Variants in DOP1B observed in about 807,000 individuals in gnomAD.
DOP1B encodes the protein DOP1 leucine zipper like protein B.
In DOP1B, 174 loss-of-function variants were observed where a neutral mutation model predicts 233.5. That is an observed-to-expected ratio of 0.75 (90% CI 0.66 to 0.85). The LOEUF (loss-of-function observed/expected upper bound fraction) is 0.85, where lower values mean the gene tolerates loss of function less well. Ranked by LOEUF, DOP1B falls within the 40% of genes least tolerant of loss-of-function variation. The pLI is 0.00. For missense variants in DOP1B, 2,652 were observed against 2,846.6 expected, an observed-to-expected ratio of 0.93 and a Z score of 1.56; for synonymous variants, 1,190 against 1,185.6, an observed-to-expected ratio of 1.00 and a Z score of -0.08.
intron 10 of DOP1B, 73 bp from the exon 11 acceptor site, chr21:36,223,156 TAC>T: frequency 6.8e-7 from 1 of 1,470,470 alleles, no homozygotes; most frequent in Non-Finnish European, 9.1e-7. Flanking sequence ...TGAAATCAAT[TAC>T]AGTTTTTTGG....
At chr21:36,186,159 C>T (rs932933247) in intron 2 of DOP1B, among the ~76,000 whole-genome samples, 74 of 151,934 alleles carry the variant, frequency 4.9e-4, no homozygotes, top group Admixed American at 4.1e-3. Flanking sequence ...GCTAAGATTG[C>T]GCCACTGCAC....
intron 2 of DOP1B, among the ~76,000 whole-genome samples, chr21:36,171,731 A>T (rs1462753091): frequency 1.3e-5 from 2 of 152,194 alleles, no homozygotes; most frequent in Non-Finnish European, 2.9e-5. Flanking sequence ...CAGACTTAAC[A>T]TGAGAGAATA....
intron 18 of DOP1B, among the ~76,000 whole-genome samples, chr21:36,242,421 C>T (rs540579646): frequency 2.0e-5 from 3 of 152,204 alleles, no homozygotes; most frequent in East Asian, 1.9e-4. Flanking sequence ...GTGATCCATG[C>T]GCCTCTACCT....
chr21:36,231,677 T>G (rs2066766258), intron 14 of DOP1B, among the ~76,000 whole-genome samples: 1 of 150,056 alleles, frequency 6.7e-6, no homozygotes, highest in Admixed American at 6.6e-5. Context: ...TTGGGTTTTT[T>G]TGTTTTTTTT....
chr21:36,219,250 A>G lies in DOP1B; in HGVS notation c.1130-122A>G. 6 of 1,269,136 alleles carry G rather than the reference A, an allele frequency of 4.7e-6. No individual in the cohort carries two copies. The South Asian group carries it at 6.4e-5, about 14-fold the overall frequency. 78.6% of individuals were successfully genotyped at this position (1,269,136 alleles called of 1,614,324 possible). A position where few individuals can be genotyped will look rare whatever the true frequency, so the allele number is the denominator to read the frequency against. ...AAAGTTAAGTTTCTGTATATTTTAGACTATATAAAATGTCTGTCTGCACAG... is the reference window on the plus strand; with the variant it reads ...AAAGTTAAGTTTCTGTATATTTTAGGCTATATAAAATGTCTGTCTGCACAG... On this transcript the variant is annotated intron_variant, in intron 9 of 36. Transcript: ENST00000691173.
intron 2 of DOP1B, among the ~76,000 whole-genome samples, chr21:36,180,853 C>T (rs1428817207): frequency 6.6e-6 from 1 of 151,782 alleles, no homozygotes; most frequent in South Asian, 2.1e-4. Flanking sequence ...TGCATTCCAG[C>T]CTGGGTTGTC....
intron 2 of DOP1B, among the ~76,000 whole-genome samples, chr21:36,195,490 C>T (rs2066280832): frequency 6.6e-6 from 1 of 152,012 alleles, no homozygotes; most frequent in African/African-American, 2.4e-5. Context: ...GTTGCAATCA[C>T]ACCACTGCAT....
intron 27 of DOP1B, 102 bp downstream of exon 27, chr21:36,270,259 G>A (rs757463510): frequency 2.3e-4 from 308 of 1,365,512 alleles, no homozygotes; most frequent in Non-Finnish European, 3.0e-4. Flanking sequence ...AAGAAAGAAA[G>A]TACTTAAGGT....
Position 36,256,581 on chromosome 21 carries a change from G to C in DOP1B, c.5259+2672G>C, listed in dbSNP as rs149952507. 6.0e-4 allele frequency among the ~76,000 whole-genome samples: 91 copies of C among 152,302 alleles called. 2 individuals are homozygous for C. Among genetic ancestry groups the C allele is most frequent in the African/African-American group, 2.1e-3 (89 of 41,564 alleles). ...GACGCAATCCCTGTGTGTCTCAGTG[G>C]GTGTGCGGATAACAAAGTGAGATCT... On this transcript the variant is annotated intron_variant, in intron 23 of 36. Transcript: ENST00000691173.
At chr21:36,273,743 G>A (rs1395892160) in intron 27 of DOP1B, among the ~76,000 whole-genome samples, 2 of 152,144 alleles carry the variant, frequency 1.3e-5, no homozygotes, top group East Asian at 3.9e-4. Flanking sequence ...GAGAAAGGGT[G>A]GAGACTGATG....
At chr21:36,161,432 T>A (rs1484856675) in intron 1 of DOP1B, among the ~76,000 whole-genome samples, 1 of 152,212 alleles carries the variant, frequency 6.6e-6, no homozygotes, top group Non-Finnish European at 1.5e-5. Context: ...CCACTGCACC[T>A]GGCCTAGTTT....
intron 4 of DOP1B, among the ~76,000 whole-genome samples, chr21:36,201,342 A>ATTTTTTTTTTT (rs1187890925): frequency 1.7e-4 from 8 of 46,964 alleles, no homozygotes; most frequent in African/African-American, 8.5e-4. Context: ...TATCTATTGG[A>ATTTTTTTTTTT]TTCTTTTTTT....
chr21:36,201,114 G>A (rs2066360163), intron 4 of DOP1B, among the ~76,000 whole-genome samples: 2 of 152,266 alleles, frequency 1.3e-5, no homozygotes, highest in South Asian at 4.1e-4. Context: ...GAGTCACCAT[G>A]TGTGGAGGGA....
intron 2 of DOP1B, among the ~76,000 whole-genome samples, chr21:36,194,470 C>A (rs2066265816): frequency 6.9e-6 from 1 of 145,490 alleles, no homozygotes; most frequent in African/African-American, 2.6e-5. Context: ...GCTTTTGCTG[C>A]ATTTCTCTCT....
chr21:36,168,067 C>T (rs2065933569), intron 2 of DOP1B, among the ~76,000 whole-genome samples: 1 of 151,068 alleles, frequency 6.6e-6, no homozygotes, highest in South Asian at 2.1e-4. Flanking sequence ...CCTCAGCCTC[C>T]CGAGTAACTG....
intron 2 of DOP1B, among the ~76,000 whole-genome samples, chr21:36,181,993 C>T (rs1242093272): frequency 6.6e-6 from 1 of 152,224 alleles, no homozygotes; most frequent in African/African-American, 2.4e-5. Context: ...ACCTGATCAA[C>T]ATGTAAAGTA....
chr21:36,177,567 G>A (rs1258097389), intron 2 of DOP1B, among the ~76,000 whole-genome samples: 1 of 151,886 alleles, frequency 6.6e-6, no homozygotes, highest in Non-Finnish European at 1.5e-5. Flanking sequence ...TATTGGGGTT[G>A]GGGGGGCCTT....
At chr21:36,183,745 G>C (rs2066129489) in intron 2 of DOP1B, among the ~76,000 whole-genome samples, 1 of 152,236 alleles carries the variant, frequency 6.6e-6, no homozygotes, top group African/African-American at 2.4e-5. Flanking sequence ...TTTGTTCTGA[G>C]TGCCCGGGAC....
At position 36,171,650 on chromosome 21, in the gene DOP1B, G is replaced by A. The variant is rs185119561; in HGVS notation, c.138+6779G>A. Among the ~76,000 whole-genome samples the A allele has an allele frequency of 2.1e-4, 32 of 152,246 alleles. No homozygotes were observed. In the East Asian group the frequency reaches 4.8e-3, roughly 23 times the overall value. On this transcript the variant is annotated intron_variant, in intron 2 of 36. Coordinates refer to ENST00000691173, the MANE Select transcript of DOP1B (RefSeq NM_001320714.2). ...AGAATGACAGCAAACTCCTAGCAGC[G>A]GGGGGAGAGGCACGGGACAGATTGT...
Sources: allele counts gnomAD v4.1 joint callset (sites outside exome capture counted in the v4.1 genomes callset), GRCh38; gene constraint gnomAD v4.1.1; transcripts MANE v1.5; gene names NCBI Gene and HGNC (gene_info 2026-07-23, HGNC 2026-07-21).